The following NXPE1 variants were observed in gnomAD, a reference collection of about 807,000 sequenced individuals.
NXPE1 encodes the protein neurexophilin and PC-esterase domain family member 1.
A neutral mutation model predicts 33.3 loss-of-function variants in NXPE1; 31 were observed. The observed-to-expected ratio is 0.93, with a 90% CI of 0.70 to 1.26. The LOEUF is 1.26. NXPE1 is among the 50% of genes most tolerant of loss of function. The probability of loss-of-function intolerance (pLI) is 0.00; values close to 1 mark genes in which losing one functional copy is unlikely to be tolerated. For synonymous variants in NXPE1, 229 were observed against 231.4 expected (o/e 0.99, Z 0.09); for missense variants, 661 against 655.6 (o/e 1.01, Z -0.09).
intron 1 of NXPE1, among the ~76,000 whole-genome samples, 189 bp from the exon 2 acceptor site, chr11:114,553,069 A>G (rs577622916): frequency 2.0e-4 from 31 of 152,270 alleles, no homozygotes; most frequent in African/African-American, 7.5e-4. Context: ...AACACTGCTC[A>G]ATCTCCACCA....
chr11:114,522,879 T>A (rs201695807), exon 8 of NXPE1: 137 of 1,607,266 alleles, frequency 8.5e-5, no homozygotes, highest in Admixed American at 4.7e-4. Flanking sequence ...AACTACCTAC[T>A]TTTTACAACT....
intron 5 of NXPE1, among the ~76,000 whole-genome samples, chr11:114,535,107 A>G (rs1947754521): frequency 6.6e-6 from 1 of 152,252 alleles, no homozygotes; most frequent in Admixed American, 6.5e-5. Context: ...ACGAGCCAGA[A>G]GAGAGTGGGG....
chr11:114,549,149 T>C (rs532110340), intron 5 of NXPE1, among the ~76,000 whole-genome samples: 38 of 152,106 alleles, frequency 2.5e-4, no homozygotes, highest in Non-Finnish European at 4.9e-4. Flanking sequence ...TGCTACTGAA[T>C]GCACAAAGCC....
chr11:114,534,952 GA>G (rs1947741922), intron 5 of NXPE1, among the ~76,000 whole-genome samples: 1 of 152,140 alleles, frequency 6.6e-6, no homozygotes, highest in Non-Finnish European at 1.5e-5. Flanking sequence ...TACTCCTAGA[GA>G]AGAGCAACTC....
chr11:114,536,140 C>T (rs970204646), intron 5 of NXPE1, among the ~76,000 whole-genome samples: 14 of 151,354 alleles, frequency 9.2e-5, no homozygotes, highest in Non-Finnish European at 1.6e-4. Context: ...ACTCAAAACC[C>T]CTCAACTACA....
chr11:114,540,066 C>A (rs992850335), intron 5 of NXPE1, among the ~76,000 whole-genome samples: 8 of 152,212 alleles, frequency 5.3e-5, no homozygotes, highest in African/African-American at 1.7e-4. Context: ...AGCGATTCTC[C>A]TGCCTCAGCC....
exon 8 of NXPE1, chr11:114,523,076 T>G: frequency 6.2e-7 from 1 of 1,612,574 alleles, no homozygotes; most frequent in Non-Finnish European, 8.5e-7. Flanking sequence ...GCATGTCTCT[T>G]CTATTTTTTC....
chr11:114,522,295 G>A, exon 9 of NXPE1: 6 of 1,614,090 alleles, frequency 3.7e-6, no homozygotes, highest in Non-Finnish European at 5.1e-6. Context: ...TAAAGTGCTG[G>A]CCAAAGGTGA....
exon 7 of NXPE1, chr11:114,527,900 A>T: frequency 1.3e-6 from 2 of 1,547,268 alleles, no homozygotes; most frequent in Non-Finnish European, 1.7e-6. Context: ...CCCACTTTGG[A>T]CCTTCAAAAA....
intron 4 of NXPE1, 80 bp from the exon 5 acceptor site, chr11:114,551,291 A>G (rs1591303733): frequency 7.5e-7 from 1 of 1,326,410 alleles, no homozygotes; most frequent in Admixed American, 2.6e-5. Context: ...ATAACTTGTA[A>G]TTTGCCTCCA....
intron 5 of NXPE1, among the ~76,000 whole-genome samples, chr11:114,538,760 C>T (rs923605334): frequency 4.6e-5 from 7 of 151,864 alleles, no homozygotes; most frequent in East Asian, 3.9e-4. Context: ...GTTAGAATGG[C>T]GATCATTAAA....
rs1228084745 is a variant in NXPE1, at chr11:114,554,341, A to G, written c.-210-1461T>C. The G allele has an allele frequency of 3.0e-6, 3 of 984,918 alleles. No homozygotes were observed. The African/African-American group carries it at 5.2e-5, about 17-fold the overall frequency. The allele number at this position is 984,918 out of a possible 1,614,324, so 61.0% of individuals were successfully genotyped here. A position where few individuals can be genotyped will look rare whatever the true frequency, so the allele number is the denominator to read the frequency against. ...CCTCCAGGTTCTCTTTCCTCTTCCT[A>G]CTTGTGTAAATGAGAGGGGGCAGCA... On this transcript the variant is annotated intron_variant, in intron 1 of 8. Transcript: ENST00000534921.
intron 5 of NXPE1, among the ~76,000 whole-genome samples, chr11:114,533,784 C>T (rs566226644): frequency 6.0e-4 from 91 of 152,312 alleles, no homozygotes; most frequent in African/African-American, 2.0e-3. Flanking sequence ...ACAAAGCGGC[C>T]GGGAAGCTCA....
At position 114,523,097 on chromosome 11, in the gene NXPE1, A is replaced by G. The variant is rs1409409838; in HGVS notation, c.896-6T>C. 3 of 1,601,310 alleles carry G rather than the reference A, an allele frequency of 1.9e-6. No individual in the cohort carries two copies. In the South Asian group the frequency reaches 3.3e-5, roughly 18 times the overall value. The stretch of plus-strand genomic sequence containing the variant: ...CTCTTCTATTTTTTCTCTCTCTGGT[A>G]ACAAAGACACTCGTAAATGATTTTA... On this transcript the variant is annotated splice_region_variant and splice_polypyrimidine_tract_variant and intron_variant, in intron 7 of 8. Transcript: ENST00000534921.
chr11:114,533,145 C>G (rs1053855515), intron 5 of NXPE1, among the ~76,000 whole-genome samples: 1 of 152,144 alleles, frequency 6.6e-6, no homozygotes, highest in African/African-American at 2.4e-5. Flanking sequence ...GAGAAACAGA[C>G]TTTTTTTCCC....
At chr11:114,551,112 G>A (rs1194628224) in exon 5 of NXPE1, 1 of 1,513,906 alleles carries the variant, frequency 6.6e-7, no homozygotes, top group Non-Finnish European at 8.9e-7. Flanking sequence ...CCTTTGTGAA[G>A]TTCTGAGAAA....
intron 5 of NXPE1, among the ~76,000 whole-genome samples, chr11:114,545,784 G>A (rs1948258963): frequency 6.6e-6 from 1 of 151,770 alleles, no homozygotes; most frequent in African/African-American, 2.4e-5. Flanking sequence ...CGCCTTCCAG[G>A]TTCAAGCGAT....
downstream of NXPE1, among the ~76,000 whole-genome samples, chr11:114,520,416 T>C (rs1211141927): frequency 6.6e-6 from 1 of 152,240 alleles, no homozygotes. Context: ...GTCCTCCAGG[T>C]TCACCCATGT....
At position 114,554,851 on chromosome 11, in the gene NXPE1, C is replaced by T. The variant is rs1019550173; in HGVS notation, c.-210-1971G>A. Among the ~76,000 whole-genome samples, 8 of 152,166 alleles carry T rather than the reference C, an allele frequency of 5.3e-5. No individual in the cohort carries two copies. The South Asian group carries it at 8.3e-4, about 16-fold the overall frequency. ...TTTTTTTCCCATTCAGGTTCACAGGCCTCCTAAACTCTGTGCATGGGCCCA... is the reference window on the plus strand; with the variant it reads ...TTTTTTTCCCATTCAGGTTCACAGGTCTCCTAAACTCTGTGCATGGGCCCA... On this transcript the variant is annotated intron_variant, in intron 1 of 8. Transcript: ENST00000534921.
Sources: gnomAD v4.1 joint callset for allele counts (sites outside exome capture counted in the v4.1 genomes callset) on GRCh38, gnomAD v4.1.1 for gene constraint, MANE v1.5 for transcripts, NCBI Gene and HGNC (gene_info 2026-07-23, HGNC 2026-07-21) for gene names.